The following AP4E1 variants were observed in gnomAD, a reference collection of about 807,000 sequenced individuals.
AP4E1 encodes AP-4 complex subunit epsilon-1.
A neutral mutation model predicts 128.2 loss-of-function variants in AP4E1; 56 were observed. That is an observed-to-expected ratio of 0.44 (90% CI 0.35 to 0.55). The LOEUF (loss-of-function observed/expected upper bound fraction) is 0.55, where lower values mean the gene tolerates loss of function less well. Ranked by LOEUF, AP4E1 falls within the 20% of genes least tolerant of loss-of-function variation. The pLI is 0.00. For synonymous variants in AP4E1, 484 were observed against 473.1 expected (o/e 1.02, Z -0.30); for missense variants, 1,324 against 1,307.7 (o/e 1.01, Z -0.19).
At chr15:50,956,120 G>T (rs62018161) in intron 13 of AP4E1, among the ~76,000 whole-genome samples, 17,642 of 152,104 alleles carry the variant, frequency 0.12, 1,411 homozygotes, top group Middle Eastern at 0.2. Flanking sequence ...GGGTTTTTAG[G>T]TATACTTAGT....
intron 16 of AP4E1, among the ~76,000 whole-genome samples, chr15:50,988,429 C>A (rs1193087072): frequency 6.6e-6 from 1 of 152,108 alleles, no homozygotes. Flanking sequence ...ATTCTCCTGC[C>A]TCAGCCTTCC....
At chr15:50,910,523 A>G (rs555804756) in intron 1 of AP4E1, among the ~76,000 whole-genome samples, 1 of 152,374 alleles carries the variant, frequency 6.6e-6, no homozygotes, top group South Asian at 2.1e-4. Flanking sequence ...TAGAAGTGCT[A>G]AAAGAGAAGG....
Position 50,993,381 on chromosome 15 carries a change from T to G in AP4E1, c.2102T>G (p.Leu701Trp). Residue 701 changes from leucine to tryptophan, a missense_variant, in exon 17 of 21, where the codon TTG (leucine) becomes TGG (tryptophan). Coordinates refer to ENST00000261842, the MANE Select transcript of AP4E1 (RefSeq NM_007347.5). ...AETGLKETNS[L>W]KLEGIKKLWG... ...ATCAACCTCCTTAGGACAAATAGCT[T>G]GAAGCTGGAAGGTATAAAGAAATTG... 6.2e-7 allele frequency: 1 copy of G among 1,613,908 alleles called. No individual in the cohort carries two copies. The highest frequency in any genetic ancestry group is 8.5e-7 in the Non-Finnish European group (1 of 1,179,922).
intron 20 of AP4E1, 148 bp downstream of exon 20, chr15:51,001,331 TTAAA>T: frequency 2.7e-6 from 2 of 750,750 alleles, no homozygotes; most frequent in Non-Finnish European, 4.2e-6. Flanking sequence ...TCAGACTGTA[TTAAA>T]TAATTTTTTA....
In AP4E1 at chr15:50,926,285, C is replaced by T. The variant is rs543796159; in HGVS notation, c.542+1066C>T. Reference sequence around the variant, plus strand: ...CTGAGTAGCTGGAATTACAGGAACACGCCACCATGCCCAGCTAATTTTTTG... The same window carrying T: ...CTGAGTAGCTGGAATTACAGGAACATGCCACCATGCCCAGCTAATTTTTTG... On this transcript the variant is annotated intron_variant, in intron 5 of 20. Transcript: ENST00000261842. Among the ~76,000 whole-genome samples the T allele has an allele frequency of 2.2e-4, 33 of 151,412 alleles. 1 individual carries two copies. The South Asian group carries it at 3.8e-3, about 17-fold the overall frequency.
rs1390798045 is a variant in AP4E1, at chr15:50,958,478, T to C, written c.1549-14T>C. 6.3e-7 allele frequency: 1 copy of C among 1,597,116 alleles called. No homozygotes were observed. The highest frequency in any genetic ancestry group is 1.7e-5 in the Admixed American group (1 of 59,106). Reference sequence around the variant, plus strand: ...TGATATTTCTATATGAATATCTCTTTGTTTTATTTACAGGTATTAGGGGAA... The same window carrying C: ...TGATATTTCTATATGAATATCTCTTCGTTTTATTTACAGGTATTAGGGGAA... On this transcript the variant is annotated splice_polypyrimidine_tract_variant and intron_variant, in intron 13 of 20. Transcript: ENST00000261842.
chr15:50,980,173 A>C (rs1178901649), intron 15 of AP4E1, among the ~76,000 whole-genome samples: 1 of 152,224 alleles, frequency 6.6e-6, no homozygotes, highest in Non-Finnish European at 1.5e-5. Context: ...AAGTGTACTT[A>C]ATCTCTAAGT....
At chr15:50,940,818 T>C (rs1025821839) in intron 8 of AP4E1, among the ~76,000 whole-genome samples, 1 of 152,190 alleles carries the variant, frequency 6.6e-6, no homozygotes, top group African/African-American at 2.4e-5. Flanking sequence ...GAAAATAAAA[T>C]TTGAATGCTA....
upstream of AP4E1, chr15:50,908,490 G>A (rs1008090472): frequency 2.7e-5 from 9 of 335,428 alleles, no homozygotes; most frequent in African/African-American, 2.0e-4. Flanking sequence ...TCCTCAGGAG[G>A]ACTCACGGTT....
intron 10 of AP4E1, among the ~76,000 whole-genome samples, chr15:50,946,517 T>G (rs2064063961): frequency 2.6e-5 from 4 of 152,184 alleles, no homozygotes; most frequent in African/African-American, 4.8e-5. Context: ...ATAAATAATA[T>G]TATAATTTGG....
At chr15:50,925,073 T>C in intron 4 of AP4E1, 25 bp from the exon 5 acceptor site, 1 of 1,613,498 alleles carries the variant, frequency 6.2e-7, no homozygotes, top group South Asian at 1.1e-5. Context: ...ACACTAAATG[T>C]TTTCTTTGCT....
intron 14 of AP4E1, among the ~76,000 whole-genome samples, chr15:50,966,341 C>A (rs2064391458): frequency 6.6e-6 from 1 of 152,086 alleles, no homozygotes; most frequent in South Asian, 2.1e-4. Flanking sequence ...AACATTTCTT[C>A]ATTAGTTCTT....
At chr15:50,932,860 G>C in intron 7 of AP4E1, among the ~76,000 whole-genome samples, 1 of 152,170 alleles carries the variant, frequency 6.6e-6, no homozygotes, top group South Asian at 2.1e-4. Context: ...CATTAGAAAT[G>C]ATTGTCTTAA....
In AP4E1 at chr15:51,005,823, ATTAC is replaced by A. The variant is rs1017049723; in HGVS notation, c.*3164_*3167del. The A allele has an allele frequency of 1.1e-4, 17 of 152,596 alleles. No individual in the cohort carries two copies. The highest frequency in any genetic ancestry group is 3.9e-4 in the African/African-American group (16 of 41,454). The allele number at this position is 152,596 out of a possible 1,614,324, so 9.5% of individuals were successfully genotyped here. The stretch of plus-strand genomic sequence containing the variant: ...GTGAATAATTATTTAATAGGCATTT[ATTAC>A]TTTATTTTGGAGTTGAATTCTGTCA... On this transcript the variant is annotated 3_prime_UTR_variant, in exon 21 of 21. Coordinates refer to ENST00000261842, the MANE Select transcript of AP4E1 (RefSeq NM_007347.5).
chr15:50,972,154 G>A (rs948555095), intron 15 of AP4E1, among the ~76,000 whole-genome samples: 1 of 152,034 alleles, frequency 6.6e-6, no homozygotes, highest in African/African-American at 2.4e-5. Flanking sequence ...GTTCAGTAGG[G>A]TACTAAGGCC....
Position 50,947,986 on chromosome 15 carries a change from A to T in AP4E1, c.1177-34A>T, listed in dbSNP as rs554358419. 40 of 1,492,012 alleles carry T rather than the reference A, an allele frequency of 2.7e-5. No homozygotes were observed. In the African/African-American group the frequency reaches 5.4e-4, roughly 20 times the overall value. The allele number at this position is 1,492,012 out of a possible 1,614,324, so 92.4% of individuals were successfully genotyped here. On this transcript the variant is annotated intron_variant, in intron 10 of 20. Coordinates refer to ENST00000261842, the MANE Select transcript of AP4E1 (RefSeq NM_007347.5). ...ACTCATTGGTGTTATGCATAGTTTT[A>T]TAATATTGTTTTTAATTTTTCTTCT...
intron 16 of AP4E1, among the ~76,000 whole-genome samples, chr15:50,986,865 A>G (rs1306000956): frequency 6.6e-6 from 1 of 152,152 alleles, no homozygotes; most frequent in African/African-American, 2.4e-5. Context: ...ATTGATTGGA[A>G]TAGTTTCAGA....
At chr15:50,927,174 C>G (rs1028797731) in intron 5 of AP4E1, among the ~76,000 whole-genome samples, 2 of 152,048 alleles carry the variant, frequency 1.3e-5, no homozygotes, top group South Asian at 2.1e-4. Flanking sequence ...GTATGAAATC[C>G]TTCTGAGAAT....
At chr15:50,973,041 C>A (rs1567247558) in intron 15 of AP4E1, among the ~76,000 whole-genome samples, 1 of 152,040 alleles carries the variant, frequency 6.6e-6, no homozygotes, top group Middle Eastern at 3.2e-3. Flanking sequence ...TGGGAAAATA[C>A]GTCTGTCATG....
Sources: allele counts gnomAD v4.1 joint callset (sites outside exome capture counted in the v4.1 genomes callset), GRCh38; gene constraint gnomAD v4.1.1; transcripts MANE v1.5; gene names NCBI Gene and HGNC (gene_info 2026-07-23, HGNC 2026-07-21).